Variants in ZFP62 observed in about 807,000 individuals in gnomAD.
ZFP62 encodes the protein zinc finger protein 62 homolog.
ZFP62 carries 44 observed loss-of-function variants against 56.4 expected under a neutral mutation model. That is an observed-to-expected ratio of 0.78 (90% CI 0.61 to 1.00). The LOEUF (loss-of-function observed/expected upper bound fraction) is 1.00, where lower values mean the gene tolerates loss of function less well. Among genes scored for constraint, ZFP62 ranks in the 50% least tolerant of loss-of-function variants. ZFP62 has a pLI of 0.00. For synonymous variants in ZFP62, 421 were observed against 388.9 expected, an observed-to-expected ratio of 1.08 and a Z score of -0.97; for missense variants, 1,030 against 1,085.7, an observed-to-expected ratio of 0.95 and a Z score of 0.72.
chr5:180,851,932 A>G (rs938288453), intron 1 of ZFP62: 3 of 820,546 alleles, frequency 3.7e-6, no homozygotes, highest in East Asian at 2.4e-4. Flanking sequence ...TTTTATTATG[A>G]AAAGTTAGAC....
At position 180,850,762 on chromosome 5, in the gene ZFP62, T is replaced by C; in HGVS notation, c.733A>G (p.Arg245Gly). Reference protein sequence around the residue: ...NYSSVLDQHKRIHTGEKPYEC... With the variant: ...NYSSVLDQHKGIHTGEKPYEC... ...TAGGGCTTCTCCCCAGTGTGGATCC[T>C]TTTATGCTGGTCCAGAACAGAGCTA... is the stretch of plus-strand genomic sequence containing the variant. The change falls in exon 2 of 2, where the codon AGG (arginine) becomes GGG (glycine). Residue 245 changes from arginine (R) to glycine (G), a missense_variant. Arg to Gly is a moderately radical substitution (Grantham distance 125, BLOSUM62 -2). Coordinates refer to ENST00000502412, the MANE Select transcript of ZFP62 (RefSeq NM_001172638.2). 2 of 1,603,350 alleles carry C rather than the reference T, an allele frequency of 1.2e-6. No homozygotes were observed. Among genetic ancestry groups the C allele is most frequent in the Non-Finnish European group, 1.7e-6 (2 of 1,174,728 alleles).
chr5:180,852,700 A>G (rs1314099212), intron 1 of ZFP62, among the ~76,000 whole-genome samples: 1 of 152,240 alleles, frequency 6.6e-6, no homozygotes, highest in African/African-American at 2.4e-5. Context: ...TGGCCTGAGT[A>G]TAGAGGAAGC....
chr5:180,829,121 T>C, the ZFP62 span, among the ~76,000 whole-genome samples: 6 of 152,236 alleles, frequency 3.9e-5, no homozygotes, highest in South Asian at 2.1e-4. Context: ...CCACTGAACA[T>C]AGACCCTTAT....
chr5:180,830,542 C>G, the ZFP62 span: 1 of 152,598 alleles, frequency 6.6e-6, no homozygotes. Context: ...TAAGCCACCA[C>G]CATCAGGGTC....
chr5:180,835,254 A>G, the ZFP62 span: 1 of 152,296 alleles, frequency 6.6e-6, no homozygotes, highest in African/African-American at 2.4e-5. Flanking sequence ...AAGGTGGAAG[A>G]AGGGTGAATT....
chr5:180,835,894 G>C, the ZFP62 span, among the ~76,000 whole-genome samples: 5 of 152,314 alleles, frequency 3.3e-5, no homozygotes, highest in Non-Finnish European at 7.3e-5. Flanking sequence ...TAGGGCAGCC[G>C]TAACAAAGGA....
chr5:180,833,901 C>T, the ZFP62 span, among the ~76,000 whole-genome samples: 17 of 152,136 alleles, frequency 1.1e-4, no homozygotes, highest in African/African-American at 4.1e-4. Context: ...GATCTCCTGA[C>T]CTCATGATCC....
At chr5:180,827,385 C>T in the ZFP62 span, among the ~76,000 whole-genome samples, 279 of 152,160 alleles carry the variant, frequency 1.8e-3, 2 homozygotes, top group African/African-American at 6.5e-3. Flanking sequence ...TTCTGTTAAT[C>T]TGTGACCTTA....
chr5:180,844,666 G>A (rs1773376108), downstream of ZFP62, among the ~76,000 whole-genome samples: 1 of 152,194 alleles, frequency 6.6e-6, no homozygotes, highest in South Asian at 2.1e-4. Flanking sequence ...GGCTCCTCCT[G>A]CTGAGCCCTT....
chr5:180,849,785 G>A lies in ZFP62; in HGVS notation c.1710C>T (p.Tyr570=), dbSNP rs1330886755. 1.3e-6 allele frequency: 2 copies of A among 1,551,748 alleles called. No homozygotes were observed. The highest frequency in any genetic ancestry group is 2.4e-5 in the East Asian group (1 of 40,908). ...PYKCEECGKA[Y]ISLSSLINHK... ...GATTTATAAGGCTCGAGAGAGAGAT[G>A]TATGCTTTCCCACATTCTTCACATT... Residue 570 remains tyrosine (Y), a synonymous_variant, in exon 2 of 2, where the codon TAC becomes TAT. Transcript: ENST00000502412.
intron 1 of ZFP62, among the ~76,000 whole-genome samples, chr5:180,858,924 C>A (rs1332981690): frequency 6.6e-6 from 1 of 152,174 alleles, no homozygotes; most frequent in Non-Finnish European, 1.5e-5. Flanking sequence ...ACATAGAACG[C>A]CACCCACTCC....
downstream of ZFP62, among the ~76,000 whole-genome samples, chr5:180,847,124 A>G (rs1376509019): frequency 6.6e-6 from 1 of 152,238 alleles, no homozygotes; most frequent in Non-Finnish European, 1.5e-5. Flanking sequence ...ATGGGAAACT[A>G]CATGGCTGAG....
the ZFP62 span, chr5:180,832,046 A>C: frequency 6.6e-6 from 1 of 152,488 alleles, no homozygotes; most frequent in Non-Finnish European, 1.5e-5. Context: ...CTGAGATCGC[A>C]CCATTGCACT....
chr5:180,857,920 T>C (rs559619665), intron 1 of ZFP62, among the ~76,000 whole-genome samples: 1 of 151,910 alleles, frequency 6.6e-6, no homozygotes, highest in South Asian at 2.1e-4. Flanking sequence ...ATCCTGATAA[T>C]TGCTGAATCC....
At chr5:180,831,080 T>C in the ZFP62 span, 2 of 152,502 alleles carry the variant, frequency 1.3e-5, no homozygotes, top group Non-Finnish European at 1.5e-5. Flanking sequence ...TGCATCACCC[T>C]AGAAACGTGG....
chr5:180,831,591 G>C, the ZFP62 span: 1 of 152,508 alleles, frequency 6.6e-6, no homozygotes, highest in Non-Finnish European at 1.5e-5. Flanking sequence ...TCGCGGCTGC[G>C]GAGAGAGGCC....
chr5:180,855,271 CAA>C (rs1270472952), intron 1 of ZFP62, among the ~76,000 whole-genome samples: 8 of 152,174 alleles, frequency 5.3e-5, no homozygotes, highest in Non-Finnish European at 1.2e-4. Context: ...TATTACCAAA[CAA>C]AAAGTTTTTA....
rs1174271929 is a variant in ZFP62 at position 180,849,974 on chromosome 5, A to G, written c.1521T>C (p.Cys507=). ...AGTTGAAGGATTTCTCACAATAGCT[A>G]CATTTATAGGGCTTCTCCCCAAGGT... The part of the protein sequence containing the change: ...GIHLGEKPYK[C]SYCEKSFNYS... The change falls in exon 2 of 2, where the codon TGT becomes TGC. Residue 507 remains cysteine (C), a synonymous_variant. Transcript: ENST00000502412. The G allele has an allele frequency of 8.4e-6, 13 of 1,551,712 alleles. No homozygotes were observed. Among genetic ancestry groups the G allele is most frequent in the Non-Finnish European group, 1.1e-5 (13 of 1,146,990 alleles).
chr5:180,853,730 C>T (rs2619765), intron 1 of ZFP62, among the ~76,000 whole-genome samples: 102,856 of 152,126 alleles, frequency 0.68, 37,155 homozygotes, highest in East Asian at 0.96. Context: ...AAGCTGGAGG[C>T]GGGGCAGTGG....
Sources: gnomAD v4.1 joint callset for allele counts (sites outside exome capture counted in the v4.1 genomes callset) on GRCh38, gnomAD v4.1.1 for gene constraint, MANE v1.5 for transcripts, NCBI Gene and HGNC (gene_info 2026-07-23, HGNC 2026-07-21) for gene names.